NTRK3: variants seen among roughly 807,000 people sequenced by gnomAD.
NTRK3 encodes the protein neurotrophic receptor tyrosine kinase 3.
In NTRK3, 24 loss-of-function variants were observed where a neutral mutation model predicts 91.7. The ratio of observed to expected loss-of-function variants is 0.26; its 90% CI spans 0.19 to 0.37. The LOEUF is 0.37. Among genes scored for constraint, NTRK3 ranks in the 10% least tolerant of loss-of-function variants. The pLI is 1.00. For synonymous variants in NTRK3, 483 were observed against 404.0 expected, an observed-to-expected ratio of 1.20 and a Z score of -2.34; for missense variants, 880 against 1,068.9, an observed-to-expected ratio of 0.82 and a Z score of 2.46.
chr15:87,881,491 C>T (rs975637465), intron 17 of NTRK3, among the ~76,000 whole-genome samples: 3 of 152,020 alleles, frequency 2.0e-5, no homozygotes, highest in Non-Finnish European at 4.4e-5. Flanking sequence ...GCGATCTCGG[C>T]TTACTGCCAG....
intron 3 of NTRK3, among the ~76,000 whole-genome samples, chr15:88,221,207 C>G (rs2050203556): frequency 6.6e-6 from 1 of 152,304 alleles, no homozygotes; most frequent in African/African-American, 2.4e-5. Context: ...AGTAAAGTCA[C>G]TGGCAATTAC....
chr15:88,000,075 G>A (rs1010494771), intron 14 of NTRK3, among the ~76,000 whole-genome samples: 1 of 152,194 alleles, frequency 6.6e-6, no homozygotes, highest in Non-Finnish European at 1.5e-5. Flanking sequence ...TGATATTCAA[G>A]AAATGTGTAG....
intron 13 of NTRK3, among the ~76,000 whole-genome samples, chr15:88,070,193 G>A (rs901506987): frequency 6.6e-6 from 1 of 152,210 alleles, no homozygotes; most frequent in Non-Finnish European, 1.5e-5. Context: ...GAGAAGAGGA[G>A]AAAAGGTAAA....
chr15:88,203,666 C>T (rs1480425100), intron 3 of NTRK3, among the ~76,000 whole-genome samples: 2 of 152,102 alleles, frequency 1.3e-5, no homozygotes. Flanking sequence ...ATCTATTGTA[C>T]ATTTCCAAAT....
At position 88,255,778 on chromosome 15, in the gene NTRK3, C is replaced by G. The variant is rs1335130494; in HGVS notation, c.248+128G>C. ...ATCTCCCGAGCCAGAGCGAGCCTGA[C>G]GCGCGCCCAGCGGGCGGCGGGCAGC... is the stretch of plus-strand genomic sequence containing the variant. On this transcript the variant is annotated intron_variant, in intron 3 of 18. Coordinates refer to ENST00000394480, the Ensembl canonical transcript of NTRK3. This position sits in a 1 kb window ranked among gnomAD's most constrained non-coding sequence, Gnocchi z 4.3. The G allele has an allele frequency of 4.1e-6, 3 of 723,968 alleles. No individual in the cohort carries two copies. The highest frequency in any genetic ancestry group is 5.9e-6 in the Non-Finnish European group (3 of 511,768). The allele number at this position is 723,968 out of a possible 1,614,324, so 44.8% of individuals were successfully genotyped here.
chr15:88,212,918 C>T (rs1470802080), intron 3 of NTRK3, among the ~76,000 whole-genome samples: 3 of 152,176 alleles, frequency 2.0e-5, no homozygotes, highest in African/African-American at 7.2e-5. Flanking sequence ...TATACTGAGT[C>T]AGAAACAGCC....
chr15:87,978,652 G>A (rs2073930426), intron 14 of NTRK3: 1 of 231,940 alleles, frequency 4.3e-6, no homozygotes, highest in Non-Finnish European at 8.5e-6. Context: ...CACACTCATT[G>A]TGAGCCGTTC....
chr15:87,880,362 T>C, exon 18 of NTRK3: 1 of 1,614,178 alleles, frequency 6.2e-7, no homozygotes, highest in Non-Finnish European at 8.5e-7. Flanking sequence ...CTCTCTGTAG[T>C]GAACTTCCGG....
intron 13 of NTRK3, among the ~76,000 whole-genome samples, chr15:88,098,375 T>C (rs1445378829): frequency 2.6e-5 from 4 of 152,362 alleles, no homozygotes; most frequent in Middle Eastern, 3.4e-3. Flanking sequence ...GGACTACGCA[T>C]GCCATCAGCT....
At chr15:87,907,812 TG>T in intron 17 of NTRK3, among the ~76,000 whole-genome samples, 1 of 152,256 alleles carries the variant, frequency 6.6e-6, no homozygotes, top group Middle Eastern at 3.4e-3. Context: ...GTAAGACAGA[TG>T]GAACTTCGAC....
chr15:87,880,184 G>C (rs1596061654), intron 18 of NTRK3, 86 bp downstream of exon 19: 1 of 1,552,932 alleles, frequency 6.4e-7, no homozygotes, highest in Non-Finnish European at 8.9e-7. Context: ...CCCACCTAAT[G>C]TCTTGTTCAG....
At chr15:88,005,206 G>A (rs1482923454) in intron 14 of NTRK3, among the ~76,000 whole-genome samples, 1 of 152,170 alleles carries the variant, frequency 6.6e-6, no homozygotes, top group Non-Finnish European at 1.5e-5. Context: ...CCCTGGTGCT[G>A]CCAGAGAAGC....
At chr15:87,922,269 C>G (rs966246347) in intron 17 of NTRK3, among the ~76,000 whole-genome samples, 16 of 152,214 alleles carry the variant, frequency 1.1e-4, no homozygotes, top group Admixed American at 3.3e-4. Flanking sequence ...GTCAAAAAGA[C>G]TTAGAGGAGC....
intron 13 of NTRK3, among the ~76,000 whole-genome samples, chr15:88,083,718 G>T (rs976511395): frequency 1.3e-5 from 2 of 152,184 alleles, no homozygotes; most frequent in Non-Finnish European, 2.9e-5. Flanking sequence ...ATGTTGGCCT[G>T]TTCCCCCATT....
intron 5 of NTRK3, 142 bp from the exon 6 acceptor site, chr15:88,147,545 CT>C: frequency 1.5e-6 from 1 of 665,904 alleles, no homozygotes; most frequent in Non-Finnish European, 2.6e-6. Flanking sequence ...TCTTCTTCTT[CT>C]TCTTCTTCAT....
chr15:88,179,881 A>C (rs948518221), intron 5 of NTRK3, among the ~76,000 whole-genome samples: 4 of 152,250 alleles, frequency 2.6e-5, no homozygotes, highest in Non-Finnish European at 4.4e-5. Context: ...TTTATTCATC[A>C]GTGTACAATG....
At chr15:87,973,898 G>A (rs2073474266) in intron 14 of NTRK3, among the ~76,000 whole-genome samples, 1 of 152,142 alleles carries the variant, frequency 6.6e-6, no homozygotes, top group Non-Finnish European at 1.5e-5. Context: ...TGGCAGCAAT[G>A]TGCGAGTCTA....
chr15:88,213,775 T>A (rs975696842), intron 3 of NTRK3, among the ~76,000 whole-genome samples: 1 of 152,030 alleles, frequency 6.6e-6, no homozygotes, highest in Non-Finnish European at 1.5e-5. Flanking sequence ...GTCACACAGC[T>A]TAAGTAAGAT....
chr15:88,176,993 G>C (rs908551126), intron 5 of NTRK3, among the ~76,000 whole-genome samples: 1 of 152,182 alleles, frequency 6.6e-6, no homozygotes, highest in African/African-American at 2.4e-5. Context: ...TGATGAGAAG[G>C]GGCCAGCCAT....
Sources: gnomAD v4.1 joint callset for allele counts (sites outside exome capture counted in the v4.1 genomes callset) on GRCh38, gnomAD v4.1.1 for gene constraint, Gnocchi (gnomAD v3.1) non-coding constraint, MANE v1.5 for transcripts, NCBI Gene and HGNC (gene_info 2026-07-23, HGNC 2026-07-21) for gene names.